CMIP: variants seen among roughly 807,000 people sequenced by gnomAD.
The protein encoded by CMIP is C-Maf-inducing protein.
Under a neutral mutation model 97.3 loss-of-function variants are expected in CMIP, and 13 were observed. The observed-to-expected ratio is 0.13, with a 90% confidence interval of 0.09 to 0.21. The LOEUF is 0.21. Among genes scored for constraint, CMIP ranks in the 10% least tolerant of loss-of-function variants. The pLI, the probability that CMIP is intolerant of heterozygous loss-of-function variation, is 1.00. For synonymous variants in CMIP, 538 were observed against 436.3 expected, an observed-to-expected ratio of 1.23 and a Z score of -2.91; for missense variants, 847 against 1,024.9, an observed-to-expected ratio of 0.83 and a Z score of 2.37.
At chr16:81,615,461 G>T (rs2150953818) in intron 2 of CMIP, among the ~76,000 whole-genome samples, 1 of 145,628 alleles carries the variant, frequency 6.9e-6, no homozygotes, top group Admixed American at 6.8e-5. Context: ...TGTGTGTGTG[G>T]TGTATGTGTA....
At chr16:81,488,197 G>A (rs552171150) in intron 1 of CMIP, among the ~76,000 whole-genome samples, 3 of 152,196 alleles carry the variant, frequency 2.0e-5, no homozygotes, top group East Asian at 1.9e-4. Context: ...CTCCGTGACC[G>A]TAGCACACCG....
At chr16:81,609,013 G>A (rs773986544) in intron 2 of CMIP, among the ~76,000 whole-genome samples, 6 of 152,264 alleles carry the variant, frequency 3.9e-5, no homozygotes, top group African/African-American at 1.2e-4. Flanking sequence ...GCTCAGTAGC[G>A]GAGCGTAACA....
intron 1 of CMIP, among the ~76,000 whole-genome samples, chr16:81,500,272 GTCCTTCCTTCCTTCCT>G (rs143054986): frequency 4.6e-5 from 3 of 64,792 alleles, no homozygotes; most frequent in Non-Finnish European, 8.9e-5. Context: ...CCTTCCTTCC[GTCCTTCCTTCCTTCCT>G]TCCTTCCTTC....
At chr16:81,466,788 CAGCCAA>C (rs1169821843) in intron 1 of CMIP, among the ~76,000 whole-genome samples, 1 of 152,188 alleles carries the variant, frequency 6.6e-6, no homozygotes, top group Non-Finnish European at 1.5e-5. Flanking sequence ...CGAATTTGTT[CAGCCAA>C]AGATTCTGCC....
intron 15 of CMIP, 107 bp from the exon 16 acceptor site, chr16:81,701,553 G>T: frequency 6.7e-7 from 1 of 1,487,348 alleles, no homozygotes; most frequent in South Asian, 1.2e-5. Flanking sequence ...TGCAGAAAGG[G>T]GATAGTGGGG....
chr16:81,662,776 C>T (rs920518618), intron 6 of CMIP, among the ~76,000 whole-genome samples: 2 of 152,298 alleles, frequency 1.3e-5, no homozygotes, highest in East Asian at 3.9e-4. Flanking sequence ...GCTTCCTTTC[C>T]AGTATGAAAA....
At chr16:81,619,794 C>T (rs1231561483) in intron 2 of CMIP, 1 of 152,174 alleles carries the variant, frequency 6.6e-6, no homozygotes, top group African/African-American at 2.4e-5. Flanking sequence ...CTCATTTGTA[C>T]CATGAGATGA....
chr16:81,667,898 C>G (rs1016970888), intron 7 of CMIP, among the ~76,000 whole-genome samples: 1 of 151,706 alleles, frequency 6.6e-6, no homozygotes, highest in African/African-American at 2.4e-5. Context: ...CTCTGCCTCC[C>G]TCTTTATGTA....
intron 1 of CMIP, among the ~76,000 whole-genome samples, chr16:81,584,105 T>C (rs551933136): frequency 6.6e-5 from 10 of 151,568 alleles, no homozygotes; most frequent in Non-Finnish European, 1.0e-4. Flanking sequence ...AAGGGAGAAG[T>C]GGAGTTGGAG....
At chr16:81,580,502 C>G (rs186483253) in intron 1 of CMIP, among the ~76,000 whole-genome samples, 145 of 149,016 alleles carry the variant, frequency 9.7e-4, no homozygotes, top group African/African-American at 3.4e-3. Flanking sequence ...GGCGTGATCT[C>G]GGCTCACTGC....
At chr16:81,643,845 T>C (rs1421196752) in intron 3 of CMIP, among the ~76,000 whole-genome samples, 1 of 151,946 alleles carries the variant, frequency 6.6e-6, no homozygotes, top group Non-Finnish European at 1.5e-5. Flanking sequence ...GTGTGGATTT[T>C]ACCTCAATGA....
chr16:81,507,149 A>T (rs1035277330), intron 1 of CMIP, among the ~76,000 whole-genome samples: 4 of 146,452 alleles, frequency 2.7e-5, no homozygotes, highest in Non-Finnish European at 1.5e-5. Flanking sequence ...CCAGCTACTC[A>T]GGAGGCTGAG....
intron 1 of CMIP, among the ~76,000 whole-genome samples, chr16:81,446,943 G>A (rs1430422784): frequency 6.7e-6 from 1 of 150,328 alleles, no homozygotes; most frequent in Non-Finnish European, 1.5e-5. Context: ...TTTCCTGTGG[G>A]CACGTTGGTG....
chr16:81,490,485 C>T (rs888020947), intron 1 of CMIP, among the ~76,000 whole-genome samples: 6 of 152,048 alleles, frequency 3.9e-5, no homozygotes, highest in Admixed American at 2.0e-4. Context: ...CTGAGTGTGG[C>T]GGTGTGTGCC....
intron 1 of CMIP, among the ~76,000 whole-genome samples, chr16:81,467,042 T>A (rs1423156765): frequency 6.6e-6 from 1 of 152,252 alleles, no homozygotes; most frequent in Non-Finnish European, 1.5e-5. Context: ...TTTGAAGCTG[T>A]CCATCCTCGC....
rs1331738951 is a variant in CMIP, at chr16:81,676,323, A to T, written c.1035-1952A>T. 3.3e-5 allele frequency among the ~76,000 whole-genome samples: 5 copies of T among 151,520 alleles called. No homozygotes were observed. The East Asian group carries it at 9.9e-4, about 30-fold the overall frequency. On this transcript the variant is annotated intron_variant, in intron 9 of 20. Coordinates refer to ENST00000537098, the MANE Select transcript of CMIP (RefSeq NM_198390.3). ...CAGGTCCATGACGCCCCCCTCAGCC[A>T]GTCCCTTCAAGATAAAGTCCGTCAT...
intron 1 of CMIP, among the ~76,000 whole-genome samples, chr16:81,605,187 G>T (rs1477475401): frequency 6.6e-6 from 1 of 152,232 alleles, no homozygotes; most frequent in Non-Finnish European, 1.5e-5. Context: ...CAGTGCACGG[G>T]ATGCTGGAAC....
chr16:81,496,168 G>C (rs1408784049), intron 1 of CMIP, among the ~76,000 whole-genome samples: 1 of 152,182 alleles, frequency 6.6e-6, no homozygotes, highest in Non-Finnish European at 1.5e-5. Flanking sequence ...TATGAGTGCT[G>C]GGTGAGTTAA....
At chr16:81,615,767 G>T (rs915960154) in intron 2 of CMIP, among the ~76,000 whole-genome samples, 1 of 152,026 alleles carries the variant, frequency 6.6e-6, no homozygotes, top group African/African-American at 2.4e-5. Context: ...GTGTCTTTGT[G>T]TGTGTGCATA....
Sources: gnomAD v4.1 joint callset for allele counts (sites outside exome capture counted in the v4.1 genomes callset) on GRCh38, gnomAD v4.1.1 for gene constraint, MANE v1.5 for transcripts, NCBI Gene and HGNC (gene_info 2026-07-23, HGNC 2026-07-21) for gene names.